PRKAG2: variants seen among roughly 807,000 people sequenced by gnomAD.
PRKAG2 encodes protein kinase AMP-activated non-catalytic subunit gamma 2.
Under a neutral mutation model 69.6 loss-of-function variants are expected in PRKAG2, and 26 were observed. The observed-to-expected ratio is 0.37, with a 90% CI of 0.27 to 0.52. PRKAG2 has a LOEUF of 0.52. Among genes scored for constraint, PRKAG2 ranks in the 20% least tolerant of loss-of-function variants. The pLI is 0.90. For missense variants in PRKAG2, 557 were observed against 740.0 expected (o/e 0.75, Z 2.87); for synonymous variants, 293 against 285.0 (o/e 1.03, Z -0.28).
chr7:151,805,435 C>T (rs946029072), intron 1 of PRKAG2, among the ~76,000 whole-genome samples: 2 of 152,062 alleles, frequency 1.3e-5, no homozygotes, highest in African/African-American at 4.8e-5. Flanking sequence ...CTCAGCTGAG[C>T]CAGATGACTC....
At chr7:151,663,235 T>C (rs1335434023) in intron 4 of PRKAG2, among the ~76,000 whole-genome samples, 1 of 152,168 alleles carries the variant, frequency 6.6e-6, no homozygotes, top group Non-Finnish European at 1.5e-5. Flanking sequence ...ACAAAGACCC[T>C]TCCACCTTCA....
At chr7:151,563,787 G>A (rs186714651) in intron 14 of PRKAG2, among the ~76,000 whole-genome samples, 107 of 152,188 alleles carry the variant, frequency 7.0e-4, no homozygotes, top group African/African-American at 2.5e-3. Flanking sequence ...TTATTATGTC[G>A]TCCACACTGT....
At chr7:151,669,140 GCACT>G (rs1472993436) in intron 4 of PRKAG2, among the ~76,000 whole-genome samples, 1 of 151,880 alleles carries the variant, frequency 6.6e-6, no homozygotes, top group Non-Finnish European at 1.5e-5. Context: ...ATTTCTCCCT[GCACT>G]CACTCTTTCC....
chr7:151,641,186 C>CT (rs1163187539), intron 4 of PRKAG2, among the ~76,000 whole-genome samples: 2 of 151,148 alleles, frequency 1.3e-5, no homozygotes, highest in African/African-American at 4.9e-5. Flanking sequence ...TGGCTGAGAG[C>CT]TTTGCCAGCT....
chr7:151,634,034 A>T (rs978590628), intron 4 of PRKAG2, among the ~76,000 whole-genome samples: 2 of 152,200 alleles, frequency 1.3e-5, no homozygotes, highest in African/African-American at 4.8e-5. Context: ...GGTTCACGCC[A>T]TTCTCCTGCC....
At chr7:151,763,399 C>T (rs2075547245) in intron 3 of PRKAG2, among the ~76,000 whole-genome samples, 2 of 152,222 alleles carry the variant, frequency 1.3e-5, no homozygotes, top group South Asian at 4.1e-4. Flanking sequence ...GGTGAAACCC[C>T]ATCATGTGGT....
intron 1 of PRKAG2, among the ~76,000 whole-genome samples, chr7:151,852,884 G>A (rs1182856059): frequency 6.6e-6 from 1 of 152,224 alleles, no homozygotes; most frequent in African/African-American, 2.4e-5. Context: ...CCCATAAGGG[G>A]TCAGGAGGGA....
At chr7:151,776,010 G>C (rs572123096) in intron 3 of PRKAG2, among the ~76,000 whole-genome samples, 1 of 152,178 alleles carries the variant, frequency 6.6e-6, no homozygotes, top group African/African-American at 2.4e-5. Context: ...CAAATGAACG[G>C]CCATCTGGAA....
chr7:151,665,501 TA>T (rs1830914415), intron 4 of PRKAG2, among the ~76,000 whole-genome samples: 1 of 151,960 alleles, frequency 6.6e-6, no homozygotes, highest in South Asian at 2.1e-4. Flanking sequence ...CCAATTATAA[TA>T]TTTTTTTGAC....
At chr7:151,764,581 T>A (rs955390672) in intron 3 of PRKAG2, among the ~76,000 whole-genome samples, 2 of 152,182 alleles carry the variant, frequency 1.3e-5, no homozygotes, top group East Asian at 3.8e-4. Flanking sequence ...CCTAGAGGCA[T>A]CCCAGGACTG....
intron 3 of PRKAG2, among the ~76,000 whole-genome samples, chr7:151,691,497 AAAGT>A (rs1289071104): frequency 8.5e-5 from 13 of 152,268 alleles, no homozygotes; most frequent in African/African-American, 2.9e-4. Context: ...AAAAAAAAAA[AAAGT>A]GGACAGAAGA....
intron 2 of PRKAG2, among the ~76,000 whole-genome samples, chr7:151,783,703 C>G (rs1411087078): frequency 6.6e-6 from 1 of 151,704 alleles, no homozygotes; most frequent in Non-Finnish European, 1.5e-5. Context: ...GGTGGATCAC[C>G]TGAGCTCGAC....
At chr7:151,743,236 C>A (rs952376778) in intron 3 of PRKAG2, among the ~76,000 whole-genome samples, 1 of 152,302 alleles carries the variant, frequency 6.6e-6, no homozygotes, top group East Asian at 1.9e-4. Flanking sequence ...TTTTAAAGGG[C>A]CAGGGCCTTT....
At chr7:151,786,960 AG>A (rs1420833282) in intron 1 of PRKAG2, among the ~76,000 whole-genome samples, 1 of 152,118 alleles carries the variant, frequency 6.6e-6, no homozygotes, top group African/African-American at 2.4e-5. Context: ...AGGGATGGGG[AG>A]GGTGACACTG....
At chr7:151,747,967 G>C (rs972525751) in intron 3 of PRKAG2, among the ~76,000 whole-genome samples, 7 of 150,386 alleles carry the variant, frequency 4.7e-5, no homozygotes, top group African/African-American at 1.7e-4. Flanking sequence ...TATTGCCCGG[G>C]GTTGAGTGCT....
At chr7:151,809,531 G>T in intron 1 of PRKAG2, 1 of 245,212 alleles carries the variant, frequency 4.1e-6, no homozygotes, top group South Asian at 4.0e-5. Flanking sequence ...CTCTTCAGAT[G>T]CAAACTCCCC....
chr7:151,736,486 T>C (rs924320796), intron 3 of PRKAG2: 2 of 853,832 alleles, frequency 2.3e-6, no homozygotes, highest in African/African-American at 1.9e-5. Context: ...GTGCATGATG[T>C]CTCTTTAAAC....
At position 151,691,941 on chromosome 7, in the gene PRKAG2, C is replaced by T. The variant is rs1585803729; in HGVS notation, c.467-16304G>A. The stretch of plus-strand genomic sequence containing the variant: ...GGTGAATTAATAAACTGGTACAGCA[C>T]TTTGGGAGGTTGAAGCAGGAGGATC... On this transcript the variant is annotated intron_variant, in intron 3 of 15. Coordinates refer to ENST00000287878, the MANE Select transcript of PRKAG2 (RefSeq NM_016203.4). Among the ~76,000 whole-genome samples the T allele has an allele frequency of 3.3e-5, 5 of 152,136 alleles. No individual in the cohort carries two copies. The South Asian group carries it at 1.0e-3, about 32-fold the overall frequency.
chr7:151,714,457 C>A (rs1406742266), intron 3 of PRKAG2, among the ~76,000 whole-genome samples: 1 of 138,210 alleles, frequency 7.2e-6, no homozygotes, highest in Non-Finnish European at 1.5e-5. Context: ...CGCCGTCCTC[C>A]CATCCACATG....
Sources: gnomAD v4.1 joint callset for allele counts (sites outside exome capture counted in the v4.1 genomes callset) on GRCh38, gnomAD v4.1.1 for gene constraint, MANE v1.5 for transcripts, NCBI Gene and HGNC (gene_info 2026-07-23, HGNC 2026-07-21) for gene names.